AUTS2: variants seen among roughly 807,000 people sequenced by gnomAD.
The protein encoded by AUTS2 is activator of transcription and developmental regulator AUTS2, also known as autism susceptibility gene 2 protein.
AUTS2 carries 17 observed loss-of-function variants against 112.4 expected under a neutral mutation model. The ratio of observed to expected loss-of-function variants is 0.15; its 90% confidence interval spans 0.10 to 0.23. AUTS2 has a LOEUF of 0.23. AUTS2 is among the 10% of genes least tolerant of loss of function. The pLI is 1.00. For synonymous variants in AUTS2, 751 were observed against 702.7 expected (o/e 1.07, Z -1.09); for missense variants, 1,510 against 1,701.6 (o/e 0.89, Z 1.98).
At chr7:70,167,434 G>A (rs1252564294) in intron 4 of AUTS2, among the ~76,000 whole-genome samples, 1 of 152,014 alleles carries the variant, frequency 6.6e-6, no homozygotes, top group Non-Finnish European at 1.5e-5. Flanking sequence ...AAAACTAATA[G>A]AATTATAGGA....
chr7:70,059,030 A>G (rs1200134882), intron 2 of AUTS2, among the ~76,000 whole-genome samples: 1 of 152,182 alleles, frequency 6.6e-6, no homozygotes, highest in African/African-American at 2.4e-5. Context: ...ATAATCACCC[A>G]TCTTACATAG....
chr7:70,672,905 C>G (rs981201782), intron 5 of AUTS2, among the ~76,000 whole-genome samples: 1 of 152,100 alleles, frequency 6.6e-6, no homozygotes, highest in African/African-American at 2.4e-5. Context: ...CCGGCCAGGA[C>G]ACGTGATTTT....
chr7:70,182,303 T>C (rs1205676331), intron 4 of AUTS2, among the ~76,000 whole-genome samples: 2 of 152,230 alleles, frequency 1.3e-5, no homozygotes, highest in Non-Finnish European at 2.9e-5. Context: ...CTCTCAGTGA[T>C]ATTTCTTTAC....
chr7:70,291,946 G>A (rs1178863352), intron 4 of AUTS2: 5 of 152,154 alleles, frequency 3.3e-5, no homozygotes, highest in African/African-American at 2.4e-5. Context: ...CACTTTGAAG[G>A]TGCTGCTTTA....
At chr7:70,374,442 G>A (rs1447275885) in intron 4 of AUTS2, among the ~76,000 whole-genome samples, 1 of 152,118 alleles carries the variant, frequency 6.6e-6, no homozygotes, top group Non-Finnish European at 1.5e-5. Flanking sequence ...TGCTACAAAT[G>A]TATTGCCTGT....
intron 1 of AUTS2, among the ~76,000 whole-genome samples, chr7:69,638,471 A>G (rs1432219021): frequency 6.6e-6 from 1 of 152,228 alleles, no homozygotes; most frequent in Non-Finnish European, 1.5e-5. Flanking sequence ...TTCCCTTGAT[A>G]TGGTACTTTG....
At chr7:70,273,746 C>T (rs374195619) in intron 4 of AUTS2, among the ~76,000 whole-genome samples, 3 of 152,036 alleles carry the variant, frequency 2.0e-5, no homozygotes, top group African/African-American at 4.8e-5. Context: ...TATGAAAAGT[C>T]GGCCCTCTGT....
intron 4 of AUTS2, among the ~76,000 whole-genome samples, chr7:70,207,411 G>C: frequency 6.6e-6 from 1 of 152,092 alleles, no homozygotes. Context: ...ATCTTGGTAG[G>C]ATTTGATTTG....
chr7:70,341,675 G>A (rs1033285174), intron 4 of AUTS2, among the ~76,000 whole-genome samples: 1 of 152,232 alleles, frequency 6.6e-6, no homozygotes, highest in Non-Finnish European at 1.5e-5. Flanking sequence ...ATCACCTCAT[G>A]TGAAACCAAT....
At chr7:70,477,808 A>G (rs1478229354) in intron 5 of AUTS2, among the ~76,000 whole-genome samples, 1 of 152,238 alleles carries the variant, frequency 6.6e-6, no homozygotes, top group African/African-American at 2.4e-5. Flanking sequence ...CCACAAGTTT[A>G]CTTTCCTTGC....
intron 2 of AUTS2, among the ~76,000 whole-genome samples, chr7:70,054,071 G>A (rs575655501): frequency 2.3e-4 from 35 of 152,278 alleles, no homozygotes; most frequent in Middle Eastern, 3.4e-3. Context: ...TGATGAAAAT[G>A]TCTTCTATGT....
intron 5 of AUTS2, among the ~76,000 whole-genome samples, chr7:70,620,619 C>T (rs952523915): frequency 3.3e-5 from 5 of 152,070 alleles, no homozygotes; most frequent in African/African-American, 4.8e-5. Context: ...GCCCTCAGGT[C>T]GTTGTGTTGT....
intron 2 of AUTS2, among the ~76,000 whole-genome samples, chr7:69,984,132 G>A (rs1351636968): frequency 6.6e-6 from 1 of 152,130 alleles, no homozygotes; most frequent in East Asian, 1.9e-4. Flanking sequence ...AGAAATTTGA[G>A]TTCTGCTGGG....
chr7:69,982,570 T>G (rs911312329), intron 2 of AUTS2, among the ~76,000 whole-genome samples: 4 of 152,196 alleles, frequency 2.6e-5, no homozygotes, highest in African/African-American at 9.6e-5. Context: ...GCATGCCTGC[T>G]AGTGGGAGTC....
chr7:70,411,760 A>T (rs1474297526), intron 4 of AUTS2, among the ~76,000 whole-genome samples: 1 of 152,198 alleles, frequency 6.6e-6, no homozygotes, highest in Non-Finnish European at 1.5e-5. Flanking sequence ...CACAGACCAT[A>T]GGGGAATATA....
Position 70,336,034 on chromosome 7 carries a change from T to C in AUTS2, c.661-99718T>C, listed in dbSNP as rs576982377. On this transcript the variant is annotated intron_variant, in intron 4 of 18. Coordinates refer to ENST00000342771, the MANE Select transcript of AUTS2 (RefSeq NM_015570.4). ...AAGAAAATCCAGAACTATAAAGTCT[T>C]AATTTTTGAAACAAATCATGATCTT... 9.2e-5 allele frequency among the ~76,000 whole-genome samples: 14 copies of C among 152,360 alleles called. No individual in the cohort carries two copies. In the East Asian group the frequency reaches 2.1e-3, roughly 23 times the overall value.
intron 2 of AUTS2, among the ~76,000 whole-genome samples, chr7:70,052,619 C>A (rs1430358226): frequency 6.6e-6 from 1 of 152,070 alleles, no homozygotes; most frequent in Admixed American, 6.6e-5. Flanking sequence ...CAACTGTAGC[C>A]CTACTCATAA....
chr7:70,633,766 A>T (rs1169125552), intron 5 of AUTS2, among the ~76,000 whole-genome samples: 1 of 152,174 alleles, frequency 6.6e-6, no homozygotes, highest in African/African-American at 2.4e-5. Flanking sequence ...CCTCAATTGA[A>T]ATTTCTGGGT....
At chr7:69,797,001 G>A (rs982873689) in intron 1 of AUTS2, among the ~76,000 whole-genome samples, 4 of 152,134 alleles carry the variant, frequency 2.6e-5, no homozygotes, top group Non-Finnish European at 5.9e-5. Context: ...GATTTTCGTC[G>A]TGAGGATGCA....
Sources: gnomAD v4.1 joint callset for allele counts (sites outside exome capture counted in the v4.1 genomes callset) on GRCh38, gnomAD v4.1.1 for gene constraint, MANE v1.5 for transcripts, NCBI Gene and HGNC (gene_info 2026-07-23, HGNC 2026-07-21) for gene names.